NCAPG: variants seen among roughly 807,000 people sequenced by gnomAD.
NCAPG encodes the protein condensin complex subunit 3.
Under a neutral mutation model 113.1 loss-of-function variants are expected in NCAPG, and 69 were observed. The observed-to-expected ratio is 0.61, with a 90% CI of 0.50 to 0.75. NCAPG has a LOEUF of 0.75. Among genes scored for constraint, NCAPG ranks in the 30% least tolerant of loss-of-function variants. The pLI is 0.00. For missense variants in NCAPG, 1,058 were observed against 1,177.0 expected, an observed-to-expected ratio of 0.90 and a Z score of 1.48; for synonymous variants, 370 against 415.8, an observed-to-expected ratio of 0.89 and a Z score of 1.34.
intron 5 of NCAPG, among the ~76,000 whole-genome samples, chr4:17,816,505 G>T (rs1721218172): frequency 6.6e-6 from 1 of 152,186 alleles, no homozygotes; most frequent in Non-Finnish European, 1.5e-5. Context: ...TTGCGCTGTA[G>T]TGAGAAAACC....
rs1286103681 is a variant in NCAPG, at chr4:17,817,982, T to A, written c.1012T>A (p.Tyr338Asn). The A allele has an allele frequency of 6.2e-7, 1 of 1,612,290 alleles. No individual in the cohort carries two copies. The highest frequency in any genetic ancestry group is 8.5e-7 in the Non-Finnish European group (1 of 1,179,444). ...VETLTPEIAL[Y>N]WCALCEYLKS... ...AACATTAACTCCTGAAATTGCTTTG[T>A]ATTGGTGTGCCCTTTGTGAATATTT... Residue 338 changes from tyrosine to asparagine, a missense_variant, in exon 7 of 21, where the codon TAT (tyrosine) becomes AAT (asparagine). Physicochemically the swap from Tyr to Asn is moderately radical, Grantham distance 143. Coordinates refer to ENST00000251496, the MANE Select transcript of NCAPG (RefSeq NM_022346.5).
intron 4 of NCAPG, 124 bp downstream of exon 4, chr4:17,815,122 A>G: frequency 7.6e-7 from 1 of 1,307,306 alleles, no homozygotes; most frequent in East Asian, 2.4e-5. Context: ...TGGAGAACAC[A>G]GGTAATTTAG....
At chr4:17,830,945 G>A (rs961011495) in intron 12 of NCAPG, 52 bp from the exon 13 acceptor site, 1 of 1,564,344 alleles carries the variant, frequency 6.4e-7, no homozygotes, top group African/African-American at 1.4e-5. Flanking sequence ...TAGACAATAG[G>A]GAAATGAAGT....
At chr4:17,833,516 ATATCT>A (rs1721962654) in intron 13 of NCAPG, among the ~76,000 whole-genome samples, 1 of 148,462 alleles carries the variant, frequency 6.7e-6, no homozygotes. Context: ...GTTGTTATAT[ATATCT>A]TATTTTTCCT....
rs1577221217 is a variant in NCAPG, at chr4:17,843,487, A to T, written c.*62A>T. ...CCAGTTATTTGCTTTAATAAAGAAG[A>T]AGTTACCCTTGTCAAAATCAGAACA... is the stretch of plus-strand genomic sequence containing the variant. On this transcript the variant is annotated 3_prime_UTR_variant, in exon 21 of 21. Transcript: ENST00000251496. 1.3e-5 allele frequency: 20 copies of T among 1,563,574 alleles called. No individual in the cohort carries two copies. The East Asian group carries it at 3.6e-4, about 28-fold the overall frequency.
At chr4:17,821,840 GCTGT>G (rs1721469021) in intron 7 of NCAPG, among the ~76,000 whole-genome samples, 1 of 151,986 alleles carries the variant, frequency 6.6e-6, no homozygotes, top group South Asian at 2.1e-4. Flanking sequence ...AAGGCACTTC[GCTGT>G]CTAAGCTTCA....
At chr4:17,831,426 T>G (rs534018420) in intron 13 of NCAPG, among the ~76,000 whole-genome samples, 1 of 152,286 alleles carries the variant, frequency 6.6e-6, no homozygotes, top group South Asian at 2.1e-4. Flanking sequence ...TAAAACAAGA[T>G]AAAATGTGTT....
chr4:17,812,235 A>G lies in NCAPG; in HGVS notation c.126A>G (p.Thr42=). Residue 42 remains threonine (T), a synonymous_variant, in exon 2 of 21, where the codon ACA becomes ACG. Coordinates refer to ENST00000251496, the MANE Select transcript of NCAPG (RefSeq NM_022346.5). The part of the protein sequence containing the change: ...SRTYRTMDDK[T]VFHEEFIHYL... ...TTGTCTTTCAGATGGATGATAAGACAGTTTTTCATGAGGAGTTCATTCATT... is the reference window on the plus strand; with the variant it reads ...TTGTCTTTCAGATGGATGATAAGACGGTTTTTCATGAGGAGTTCATTCATT... 6.2e-7 allele frequency: 1 copy of G among 1,612,462 alleles called. No individual in the cohort carries two copies. Among genetic ancestry groups the G allele is most frequent in the Non-Finnish European group, 8.5e-7 (1 of 1,179,436 alleles).
Position 17,843,457 on chromosome 4 carries a change from T to A in NCAPG, c.*32T>A, listed in dbSNP as rs1722628193. ...CGATGGAGGTGGAATCCTTTAAGAT[T>A]ATGTCCAGTTATTTGCTTTAATAAA... On this transcript the variant is annotated 3_prime_UTR_variant, in exon 21 of 21. Transcript: ENST00000251496. 6.2e-7 allele frequency: 1 copy of A among 1,602,006 alleles called. No individual in the cohort carries two copies. Among genetic ancestry groups the A allele is most frequent in the Non-Finnish European group, 8.5e-7 (1 of 1,172,928 alleles).
intron 5 of NCAPG, among the ~76,000 whole-genome samples, chr4:17,816,634 T>C (rs930786829): frequency 6.6e-6 from 1 of 152,206 alleles, no homozygotes; most frequent in Non-Finnish European, 1.5e-5. Context: ...AGCAATCGTG[T>C]AATAGATAAA....
At chr4:17,827,041 G>A (rs1721681595) in intron 11 of NCAPG, among the ~76,000 whole-genome samples, 1 of 152,190 alleles carries the variant, frequency 6.6e-6, no homozygotes, top group Admixed American at 6.5e-5. Flanking sequence ...AGTGGCTCTA[G>A]ACTTGTGCTT....
chr4:17,814,740 A>G (rs1246405494), intron 3 of NCAPG, 113 bp from the exon 4 acceptor site: 1 of 1,211,774 alleles, frequency 8.3e-7, no homozygotes, highest in African/African-American at 1.5e-5. Context: ...CATCATGCCC[A>G]GCCTATCTTT....
Position 17,844,131 on chromosome 4 carries a change from A to C in NCAPG, c.*706A>C, listed in dbSNP as rs1722696676. The C allele has an allele frequency of 6.6e-6, 1 of 151,976 alleles. No individual in the cohort carries two copies. The highest frequency in any genetic ancestry group is 2.1e-4 in the South Asian group (1 of 4,832). The allele number at this position is 151,976 out of a possible 1,614,324, so 9.4% of individuals were successfully genotyped here. A position where few individuals can be genotyped will look rare whatever the true frequency, so the allele number is the denominator to read the frequency against. On this transcript the variant is annotated 3_prime_UTR_variant, in exon 21 of 21. Coordinates refer to ENST00000251496, the MANE Select transcript of NCAPG (RefSeq NM_022346.5). ...CGCTATATTTTTGGCATAACAAAAT[A>C]ATATTTATTTACTGTGGATAATAAT... is the stretch of plus-strand genomic sequence containing the variant.
chr4:17,812,250 GTTCA>G lies in NCAPG; in HGVS notation c.148_151del (p.His50ThrfsTer18). On this transcript the variant is annotated frameshift_variant, in exon 2 of 21. Transcript: ENST00000251496. LOFTEE classifies it high-confidence loss of function. ...ATGATAAGACAGTTTTTCATGAGGA[GTTCA>G]TTCATTACCTTAAATATGTTATGGT... 6.2e-7 allele frequency: 1 copy of G among 1,613,194 alleles called. No homozygotes were observed. Among genetic ancestry groups the G allele is most frequent in the South Asian group, 1.1e-5 (1 of 90,904 alleles).
At chr4:17,836,556 C>T (rs996419278) in intron 14 of NCAPG, among the ~76,000 whole-genome samples, 1 of 152,066 alleles carries the variant, frequency 6.6e-6, no homozygotes, top group African/African-American at 2.4e-5. Context: ...TGAGAGTTTT[C>T]TGGCTTTAGC....
chr4:17,814,160 A>T (rs914695382), intron 3 of NCAPG, among the ~76,000 whole-genome samples: 15 of 152,240 alleles, frequency 9.9e-5, no homozygotes, highest in African/African-American at 3.4e-4. Context: ...TTTAAAATAA[A>T]CTGTCTGCTA....
rs554701837 is a variant in NCAPG, at chr4:17,821,973, A to T, written c.1119-1010A>T. Reference sequence around the variant, plus strand: ...CTTTAGTTTGGGTGGTGATGTCTGTAGTAAGAATAAAAAGTTAAAATAAAA... The same window carrying T: ...CTTTAGTTTGGGTGGTGATGTCTGTTGTAAGAATAAAAAGTTAAAATAAAA... On this transcript the variant is annotated intron_variant, in intron 7 of 20. Coordinates refer to ENST00000251496, the MANE Select transcript of NCAPG (RefSeq NM_022346.5). 3.3e-5 allele frequency among the ~76,000 whole-genome samples: 5 copies of T among 152,212 alleles called. No individual in the cohort carries two copies. In the South Asian group the frequency reaches 1.0e-3, roughly 32 times the overall value.
At position 17,838,907 on chromosome 4, in the gene NCAPG, TAAAG is replaced by T. The variant is rs567816408; in HGVS notation, c.2467-764_2467-761del. 2.2e-4 allele frequency among the ~76,000 whole-genome samples: 33 copies of T among 152,128 alleles called. No individual in the cohort carries two copies. In the South Asian group the frequency reaches 6.2e-3, roughly 29 times the overall value. On this transcript the variant is annotated intron_variant, in intron 16 of 20. Transcript: ENST00000251496. ...GTGAGCAGAAAGAAAAGAATATTAA[TAAAG>T]AAAGCAGCTGAAAATCTGTATAATT...
chr4:17,812,560 G>A, intron 2 of NCAPG, 136 bp downstream of exon 2: 1 of 676,252 alleles, frequency 1.5e-6, no homozygotes, highest in East Asian at 2.7e-5. Flanking sequence ...CCTTTCATAG[G>A]AAATATTAGA....
Sources: gnomAD v4.1 joint callset for allele counts (sites outside exome capture counted in the v4.1 genomes callset) on GRCh38, gnomAD v4.1.1 for gene constraint, MANE v1.5 for transcripts, NCBI Gene and HGNC (gene_info 2026-07-23, HGNC 2026-07-21) for gene names.